The following TIGAR variants were observed in gnomAD, a reference collection of about 807,000 sequenced individuals.
TIGAR encodes the protein TP53 induced glycolysis regulatory phosphatase.
In TIGAR, 7 loss-of-function variants were observed where a neutral mutation model predicts 17.9. That is an observed-to-expected ratio of 0.39 (90% CI 0.22 to 0.73). The LOEUF (loss-of-function observed/expected upper bound fraction) is 0.73, where lower values mean the gene tolerates loss of function less well. Among genes scored for constraint, TIGAR ranks in the 30% least tolerant of loss-of-function variants. TIGAR has a pLI of 0.42. For synonymous variants in TIGAR, 94 were observed against 108.6 expected, an observed-to-expected ratio of 0.87 and a Z score of 0.84; for missense variants, 258 against 327.4, an observed-to-expected ratio of 0.79 and a Z score of 1.64.
intron 3 of TIGAR, among the ~76,000 whole-genome samples, chr12:4,347,336 G>A (rs1864791848): frequency 6.6e-6 from 1 of 152,132 alleles, no homozygotes; most frequent in Non-Finnish European, 1.5e-5. Context: ...ATTTGTTGGA[G>A]CAAAAAATTA....
chr12:4,330,488 T>C (rs1864592347), intron 1 of TIGAR, among the ~76,000 whole-genome samples: 1 of 152,206 alleles, frequency 6.6e-6, no homozygotes, highest in Admixed American at 6.5e-5. Flanking sequence ...TAATTAGTGC[T>C]CAAAGAAATT....
intron 1 of TIGAR, chr12:4,324,642 C>A (rs1302114773): frequency 4.3e-6 from 6 of 1,388,980 alleles, no homozygotes; most frequent in Non-Finnish European, 5.0e-6. Context: ...GGCGCTTCAG[C>A]AGCGAGTTCT....
chr12:4,348,684 A>G (rs142826734), intron 3 of TIGAR, among the ~76,000 whole-genome samples: 127 of 152,352 alleles, frequency 8.3e-4, no homozygotes, highest in East Asian at 6.2e-3. Flanking sequence ...GTTTAGGAAA[A>G]TACAAGGAAA....
At chr12:4,350,104 A>G (rs1030174053) in intron 4 of TIGAR, among the ~76,000 whole-genome samples, 5 of 152,254 alleles carry the variant, frequency 3.3e-5, no homozygotes, top group East Asian at 1.9e-4. Context: ...ATCTTAAGGT[A>G]TAAAAGAAGG....
At chr12:4,343,847 A>G (rs1864751171) in intron 3 of TIGAR, among the ~76,000 whole-genome samples, 2 of 152,236 alleles carry the variant, frequency 1.3e-5, no homozygotes, top group Admixed American at 1.3e-4. Context: ...AACAAATTCA[A>G]AAGCTAGCAG....
At chr12:4,324,891 A>G (rs763808742) in intron 1 of TIGAR, 101 of 441,068 alleles carry the variant, frequency 2.3e-4, no homozygotes, top group Non-Finnish European at 3.7e-4. Context: ...AACTAAATTT[A>G]ATATACTTTT....
chr12:4,334,743 G>T (rs1035888325), intron 2 of TIGAR, among the ~76,000 whole-genome samples: 4 of 152,166 alleles, frequency 2.6e-5, no homozygotes, highest in Non-Finnish European at 5.9e-5. Flanking sequence ...AGTGGCTTCA[G>T]TCGGTACACA....
chr12:4,350,434 A>G (rs183457675), intron 4 of TIGAR, among the ~76,000 whole-genome samples: 41 of 152,314 alleles, frequency 2.7e-4, no homozygotes, highest in Non-Finnish European at 5.4e-4. Context: ...TTTTACACCA[A>G]CAATTGGTAT....
intron 1 of TIGAR, among the ~76,000 whole-genome samples, chr12:4,323,748 G>T (rs188736494): frequency 6.6e-6 from 1 of 152,316 alleles, no homozygotes; most frequent in Admixed American, 6.5e-5. Flanking sequence ...ATATAATTGT[G>T]TGGAGTTATG....
chr12:4,331,420 A>C, intron 2 of TIGAR, 103 bp downstream of exon 2: 1 of 1,034,400 alleles, frequency 9.7e-7, no homozygotes. Context: ...GCAGCACTCC[A>C]TTGTGAATTG....
chr12:4,345,189 T>C, intron 3 of TIGAR, among the ~76,000 whole-genome samples: 1 of 152,120 alleles, frequency 6.6e-6, no homozygotes, highest in Non-Finnish European at 1.5e-5. Context: ...CTGCCCAAGG[T>C]AATTTATAGA....
chr12:4,339,036 C>G (rs1864691714), intron 3 of TIGAR, among the ~76,000 whole-genome samples: 1 of 142,326 alleles, frequency 7.0e-6, no homozygotes, highest in African/African-American at 2.6e-5. Flanking sequence ...AAACCAAATC[C>G]AAAATTATTA....
rs1864896502 is a variant in TIGAR, at chr12:4,355,993, C to G, written c.*3302C>G. ...GGGAGAAGAGGACAGGCCACATGGC[C>G]TGGTGGCCTGTGCTGAGGCCTTGGG... On this transcript the variant is annotated 3_prime_UTR_variant, in exon 6 of 6. Coordinates refer to ENST00000179259, the MANE Select transcript of TIGAR (RefSeq NM_020375.3). Among the ~76,000 whole-genome samples, 1 of 152,178 alleles carries G rather than the reference C, an allele frequency of 6.6e-6. No individual in the cohort carries two copies. Among genetic ancestry groups the G allele is most frequent in the African/African-American group, 2.4e-5 (1 of 41,450 alleles).
chr12:4,321,443 C>A lies in TIGAR; in HGVS notation c.32+140C>A, dbSNP rs1012052933. 9.5e-6 allele frequency: 12 copies of A among 1,262,398 alleles called. No individual in the cohort carries two copies. The highest frequency in any genetic ancestry group is 1.2e-5 in the Non-Finnish European group (11 of 912,912). 78.2% of individuals were successfully genotyped at this position (1,262,398 alleles called of 1,614,324 possible). Reference sequence around the variant, plus strand: ...AGGGCTGGCTTGGAAGCGCTTTTTCCGGGGCGCTTGCCCTGGGGCCGTCCC... The same window carrying A: ...AGGGCTGGCTTGGAAGCGCTTTTTCAGGGGCGCTTGCCCTGGGGCCGTCCC... On this transcript the variant is annotated intron_variant, in intron 1 of 5. Transcript: ENST00000179259. This position sits in a 1 kb window ranked among gnomAD's most constrained non-coding sequence, Gnocchi z 5.2.
At chr12:4,350,496 G>C (rs1426564144) in intron 4 of TIGAR, among the ~76,000 whole-genome samples, 1 of 151,914 alleles carries the variant, frequency 6.6e-6, no homozygotes, top group African/African-American at 2.4e-5. Context: ...TTGCCATGTG[G>C]CTGGCGTGGT....
chr12:4,324,500 G>C (rs1340825977), intron 1 of TIGAR: 4 of 1,608,082 alleles, frequency 2.5e-6, no homozygotes, highest in Non-Finnish European at 3.4e-6. Flanking sequence ...ATCTCCACCT[G>C]GTTGAAGGTC....
intron 1 of TIGAR, among the ~76,000 whole-genome samples, chr12:4,328,164 A>C (rs1363684724): frequency 6.6e-6 from 1 of 152,150 alleles, no homozygotes; most frequent in Non-Finnish European, 1.5e-5. Flanking sequence ...TGCCCATTTT[A>C]TAAGATTCTG....
In TIGAR at chr12:4,351,235, T is replaced by C. The variant is rs747141863; in HGVS notation, c.271-32T>C. ...CTTAATTGTTATATTGCAATTTCAT[T>C]TGAGAAACTGTTATCTATTGGACTG... On this transcript the variant is annotated intron_variant, in intron 4 of 5. Coordinates refer to ENST00000179259, the MANE Select transcript of TIGAR (RefSeq NM_020375.3). 1.9e-6 allele frequency: 3 copies of C among 1,592,598 alleles called. No homozygotes were observed. The South Asian group carries it at 3.3e-5, about 18-fold the overall frequency.
At chr12:4,339,933 C>T (rs1864701451) in intron 3 of TIGAR, among the ~76,000 whole-genome samples, 1 of 152,132 alleles carries the variant, frequency 6.6e-6, no homozygotes. Flanking sequence ...CAATAAAAGC[C>T]GTATGCAATA....
Sources: allele counts gnomAD v4.1 joint callset (sites outside exome capture counted in the v4.1 genomes callset), GRCh38; gene constraint gnomAD v4.1.1; non-coding constraint Gnocchi (gnomAD v3.1); transcripts MANE v1.5; gene names NCBI Gene and HGNC (gene_info 2026-07-23, HGNC 2026-07-21).